Variants in VWF observed in about 807,000 individuals in gnomAD.
VWF encodes Factor VIII related antigen.
In VWF, 176 loss-of-function variants were observed where a neutral mutation model predicts 308.6. The observed-to-expected ratio is 0.57, with a 90% CI of 0.50 to 0.65. The LOEUF (loss-of-function observed/expected upper bound fraction) is 0.65. Among genes scored for constraint, VWF ranks in the 30% least tolerant of loss-of-function variants. The probability of loss-of-function intolerance (pLI) is 0.00; values close to 1 mark genes in which losing one functional copy is unlikely to be tolerated. For synonymous variants in VWF, 1,385 were observed against 1,443.4 expected (o/e 0.96, Z 0.92); for missense variants, 3,146 against 3,648.2 (o/e 0.86, Z 3.55).
At chr12:6,025,455 G>A in intron 24 of VWF, 125 bp downstream of exon 24, 4 of 795,588 alleles carry the variant, frequency 5.0e-6, no homozygotes, top group Non-Finnish European at 6.5e-6. Flanking sequence ...AGCCGAAGTG[G>A]TGTCTTGGTG....
intron 10 of VWF, among the ~76,000 whole-genome samples, chr12:6,069,029 G>A (rs1177031611): frequency 1.3e-5 from 2 of 151,520 alleles, no homozygotes; most frequent in African/African-American, 2.4e-5. Context: ...GCTAATGTTT[G>A]TATTTTTTGT....
At chr12:6,003,026 C>A (rs1943889227) in intron 34 of VWF, among the ~76,000 whole-genome samples, 2 of 151,846 alleles carry the variant, frequency 1.3e-5, no homozygotes, top group Admixed American at 6.6e-5. Context: ...CTGAGAAAGA[C>A]CAGATGGTAG....
chr12:6,002,724 A>G, intron 34 of VWF, among the ~76,000 whole-genome samples: 1 of 152,188 alleles, frequency 6.6e-6, no homozygotes, highest in Non-Finnish European at 1.5e-5. Flanking sequence ...TGATTTCACA[A>G]GGAAATTTTC....
chr12:5,966,949 A>G (rs998259787), intron 47 of VWF, among the ~76,000 whole-genome samples: 2 of 152,248 alleles, frequency 1.3e-5, no homozygotes, highest in Admixed American at 1.3e-4. Context: ...AGGAACGAGG[A>G]GTCCACCTCT....
chr12:5,954,043 C>G (rs1008086790), intron 47 of VWF, among the ~76,000 whole-genome samples: 6 of 152,052 alleles, frequency 3.9e-5, no homozygotes, highest in Admixed American at 6.5e-5. Context: ...TTTTCTCATC[C>G]CCTGCTTATC....
chr12:5,969,258 A>T lies in VWF; in HGVS notation c.7682T>A (p.Phe2561Tyr), dbSNP rs35335161. ...CGCTGAGGTCTTACAGCTCAGCTGAAAGCCCGAGGGGCAGACAGGGACCTC... is the reference window on the plus strand; with the variant it reads ...CGCTGAGGTCTTACAGCTCAGCTGATAGCCCGAGGGGCAGACAGGGACCTC... ...QLEVPVCPSG[F>Y]QLSCKTSACC... The change falls in exon 45 of 52, where the codon TTT becomes TAT. Residue 2561 changes from phenylalanine (F) to tyrosine (Y), a missense_variant. Physicochemically the swap from Phe to Tyr is conservative, Grantham distance 22. Around this residue, in one of 3 missense-constraint regions of VWF, gnomAD observed 989 missense variants for 1,117.4 expected, o/e 0.89. Transcript: ENST00000261405. 69,750 of 1,614,120 alleles carry T rather than the reference A, an allele frequency of 0.043. 1,725 individuals are homozygous for T. Among genetic ancestry groups the T allele is most frequent in the Non-Finnish European group, 0.049 (57,718 of 1,179,978 alleles).
At chr12:6,012,506 ATC>A (rs1250401708) in intron 32 of VWF, among the ~76,000 whole-genome samples, 2 of 152,238 alleles carry the variant, frequency 1.3e-5, no homozygotes, top group Admixed American at 1.3e-4. Flanking sequence ...GAGAGCTGCC[ATC>A]TCTCTGTACA....
chr12:6,076,982 C>T (rs1015369170), intron 6 of VWF, among the ~76,000 whole-genome samples: 8 of 152,342 alleles, frequency 5.3e-5, no homozygotes, highest in South Asian at 2.1e-4. Flanking sequence ...AGGGCCCTGC[C>T]GCTTGCTAGG....
chr12:6,046,257 G>T lies in VWF; in HGVS notation c.2281+466C>A, dbSNP rs569793112. ...CAGTGCAGCCACCGTTAGGACCTTC[G>T]AATGGAGAGCAACGGACCCAACCCT... On this transcript the variant is annotated intron_variant, in intron 17 of 51. Transcript: ENST00000261405. This position sits in a 1 kb window ranked among gnomAD's most constrained non-coding sequence, Gnocchi z 5.0. Among the ~76,000 whole-genome samples, 1 of 151,820 alleles carries T rather than the reference G, an allele frequency of 6.6e-6. No individual in the cohort carries two copies. Among genetic ancestry groups the T allele is most frequent in the Non-Finnish European group, 1.5e-5 (1 of 67,970 alleles).
Position 6,103,424 on chromosome 12 carries a change from A to G in VWF, c.532+6950T>C, listed in dbSNP as rs576260916. Among the ~76,000 whole-genome samples the G allele has an allele frequency of 2.3e-4, 29 of 124,282 alleles. 3 individuals carry two copies. Among genetic ancestry groups the G allele is most frequent in the Admixed American group, 2.0e-3 (27 of 13,206 alleles). The allele number at this position is 124,282 out of a possible 152,430, so 81.5% of individuals were successfully genotyped here. A position where few individuals can be genotyped will look rare whatever the true frequency, so the allele number is the denominator to read the frequency against. On this transcript the variant is annotated intron_variant, in intron 5 of 51. Transcript: ENST00000261405. ...CGTGTGTGTATACACACGTGTGTGT[A>G]TACACACGTGTGTATATACATACAC...
intron 16 of VWF, among the ~76,000 whole-genome samples, chr12:6,050,321 G>A (rs760149168): frequency 6.6e-6 from 1 of 152,080 alleles, no homozygotes; most frequent in Non-Finnish European, 1.5e-5. Context: ...CATTTCTACT[G>A]CTATCGCTTG....
chr12:6,090,930 AAAG>A (rs1269717113), intron 6 of VWF, among the ~76,000 whole-genome samples: 1 of 152,146 alleles, frequency 6.6e-6, no homozygotes, highest in Non-Finnish European at 1.5e-5. Flanking sequence ...CTTTGACTGC[AAAG>A]AAGAGGAAAC....
At chr12:5,956,405 C>A (rs557354255) in intron 47 of VWF, among the ~76,000 whole-genome samples, 1 of 152,198 alleles carries the variant, frequency 6.6e-6, no homozygotes, top group Admixed American at 6.5e-5. Context: ...TCCAGTGGAA[C>A]AAGATGTGGA....
At chr12:6,026,140 C>T in intron 22 of VWF, 94 bp from the exon 23 acceptor site, 1 of 1,573,962 alleles carries the variant, frequency 6.4e-7, no homozygotes, top group Non-Finnish European at 8.7e-7. Context: ...GCAATGGAGG[C>T]AGAGGGCATT....
chr12:6,025,117 G>A (rs1301686657), intron 24 of VWF, among the ~76,000 whole-genome samples: 3 of 151,826 alleles, frequency 2.0e-5, no homozygotes, highest in East Asian at 1.9e-4. Context: ...GTCATAATAC[G>A]AGGACTCAAA....
intron 47 of VWF, among the ~76,000 whole-genome samples, chr12:5,964,250 G>GCATACATACATGCATA (rs1943365178): frequency 2.0e-4 from 24 of 122,348 alleles, no homozygotes; most frequent in African/African-American, 8.8e-4. Context: ...ATACATACAT[G>GCATACATACATGCATA]CATACATACA....
In VWF at chr12:6,031,432, G is replaced by T; in HGVS notation, c.2820+12C>A. 6.2e-7 allele frequency: 1 copy of T among 1,614,150 alleles called. No individual in the cohort carries two copies. Among genetic ancestry groups the T allele is most frequent in the South Asian group, 1.1e-5 (1 of 91,078 alleles). ...AAGCGGGACATGAGGGTGGAGATGA[G>T]GCTGCACTTACCTCCCCGTCAAACA... On this transcript the variant is annotated intron_variant, in intron 21 of 51. Transcript: ENST00000261405.
At position 6,036,521 on chromosome 12, in the gene VWF, G is replaced by A. The variant is rs999457108; in HGVS notation, c.2443-30C>T. The A allele has an allele frequency of 3.1e-6, 5 of 1,603,728 alleles. No homozygotes were observed. The Admixed American group carries it at 8.3e-5, about 27-fold the overall frequency. ...GAGAAAAGAATCCAAAAGTCCTCAG[G>A]GCCACAGTGACTGATCTAAAGCCCT... On this transcript the variant is annotated intron_variant, in intron 18 of 51. Transcript: ENST00000261405.
At position 6,073,599 on chromosome 12, in the gene VWF, T is replaced by A; in HGVS notation, c.997+20A>T. 6.2e-7 allele frequency: 1 copy of A among 1,613,832 alleles called. No individual in the cohort carries two copies. The highest frequency in any genetic ancestry group is 8.5e-7 in the Non-Finnish European group (1 of 1,180,016). On this transcript the variant is annotated intron_variant, in intron 8 of 51. Coordinates refer to ENST00000261405, the MANE Select transcript of VWF (RefSeq NM_000552.5). ...GCTGGCAAGGTCTCTGATCTGTAAA[T>A]AAAGTGGGAAGTTCATTACCAGGGC...
Sources: gnomAD v4.1 joint callset for allele counts (sites outside exome capture counted in the v4.1 genomes callset) on GRCh38, gnomAD v4.1.1 for gene constraint, gnomAD v4.1.1 regional missense constraint, Gnocchi (gnomAD v3.1) non-coding constraint, MANE v1.5 for transcripts, NCBI Gene and HGNC (gene_info 2026-07-23, HGNC 2026-07-21) for gene names.